Variants in SOX6 observed in about 807,000 individuals in gnomAD.
The protein encoded by SOX6 is transcription factor SOX-6.
In SOX6, 11 loss-of-function variants were observed where a neutral mutation model predicts 97.8. The observed-to-expected ratio is 0.11, with a 90% CI of 0.07 to 0.19. The LOEUF is 0.19. Ranked by LOEUF, SOX6 falls within the 10% of genes least tolerant of loss-of-function variation. The probability of loss-of-function intolerance (pLI) is 1.00; values close to 1 mark genes in which losing one functional copy is unlikely to be tolerated. For missense variants in SOX6, 810 were observed against 1,039.5 expected, an observed-to-expected ratio of 0.78 and a Z score of 3.04; for synonymous variants, 360 against 371.4, an observed-to-expected ratio of 0.97 and a Z score of 0.35.
chr11:16,568,114 T>G (rs559726208), intron 4 of SOX6, among the ~76,000 whole-genome samples: 1 of 152,256 alleles, frequency 6.6e-6, no homozygotes, highest in Admixed American at 6.5e-5. Flanking sequence ...AGGCTATGTG[T>G]ATAAGATATA....
intron 4 of SOX6, among the ~76,000 whole-genome samples, chr11:16,603,677 T>C (rs1024307404): frequency 2.0e-5 from 3 of 152,120 alleles, no homozygotes; most frequent in African/African-American, 7.2e-5. Context: ...ACGAGTAGGA[T>C]GTGAAGAATA....
intron 3 of SOX6, among the ~76,000 whole-genome samples, chr11:16,257,889 A>G (rs1853741603): frequency 1.3e-5 from 2 of 151,956 alleles, no homozygotes; most frequent in South Asian, 2.1e-4. Flanking sequence ...AAAAAATGGT[A>G]AAAGACCTGA....
At chr11:16,078,033 T>A (rs563905744) in intron 9 of SOX6, among the ~76,000 whole-genome samples, 41 of 152,326 alleles carry the variant, frequency 2.7e-4, no homozygotes, top group African/African-American at 9.4e-4. Flanking sequence ...TGTTAACATA[T>A]AATGCCTTAT....
intron 15 of SOX6, among the ~76,000 whole-genome samples, chr11:15,983,500 A>G (rs1853735028): frequency 6.6e-6 from 1 of 152,140 alleles, no homozygotes; most frequent in Non-Finnish European, 1.5e-5. Flanking sequence ...ATCTGAACCC[A>G]TTCCATCAAA....
intron 3 of SOX6, among the ~76,000 whole-genome samples, chr11:16,620,347 A>G (rs541422449): frequency 6.6e-6 from 1 of 152,366 alleles, no homozygotes; most frequent in South Asian, 2.1e-4. Flanking sequence ...AAGAGATTTA[A>G]TGTATCACTG....
intron 1 of SOX6, among the ~76,000 whole-genome samples, chr11:16,431,502 A>G (rs973819349): frequency 3.3e-5 from 5 of 152,126 alleles, no homozygotes; most frequent in African/African-American, 4.8e-5. Context: ...CAACATCCCA[A>G]TGCTCTCTGG....
At chr11:16,653,604 A>T (rs1442749443) in intron 3 of SOX6, among the ~76,000 whole-genome samples, 1 of 152,138 alleles carries the variant, frequency 6.6e-6, no homozygotes, top group Non-Finnish European at 1.5e-5. Context: ...TATACAATGG[A>T]CTTTGGGGAC....
chr11:16,548,765 A>G (rs998150222), intron 4 of SOX6, among the ~76,000 whole-genome samples: 23 of 152,174 alleles, frequency 1.5e-4, no homozygotes, highest in Admixed American at 9.8e-4. Flanking sequence ...TGTACAACAT[A>G]GTGACTATAG....
chr11:16,106,261 C>T (rs74473720), intron 7 of SOX6, among the ~76,000 whole-genome samples: 9 of 151,784 alleles, frequency 5.9e-5, no homozygotes, highest in East Asian at 5.8e-4. Flanking sequence ...TTGAAAAAGA[C>T]GAATAAAGTT....
rs138245323 is a variant in SOX6, at chr11:16,547,866, G to A, written n.609+64215C>T. Among the ~76,000 whole-genome samples, 71 of 152,150 alleles carry A rather than the reference G, an allele frequency of 4.7e-4. No individual in the cohort carries two copies. The East Asian group carries it at 0.011, about 24-fold the overall frequency. On this transcript the variant is annotated intron_variant and non_coding_transcript_variant, in intron 4 of 5. Coordinates refer to the SOX6 transcript ENST00000524520. ...AACTTGATCATTACACATTCTATGC[G>A]TGTAACAAAATATCACATGGTACCC...
rs5789938 is a variant in SOX6 at position 16,095,914 on chromosome 11, T to TAAA, written c.1101+79_1101+81dup. Reference sequence around the variant, plus strand: ...TGTTTAGGTTGAGTGTTTGCCACTTTAAAAAAAAAAAAAAAAAGCCTAGAG... The same window carrying TAAA: ...TGTTTAGGTTGAGTGTTTGCCACTTTAAAAAAAAAAAAAAAAAAAAGCCTAGAG... On this transcript the variant is annotated intron_variant, in intron 9 of 15. Transcript: ENST00000683767. 9.3e-5 allele frequency: 115 copies of TAAA among 1,236,444 alleles called. No individual in the cohort carries two copies. In the East Asian group the frequency reaches 9.4e-4, roughly 10 times the overall value. The allele number at this position is 1,236,444 out of a possible 1,614,324, so 76.6% of individuals were successfully genotyped here. A position where few individuals can be genotyped will look rare whatever the true frequency, so the allele number is the denominator to read the frequency against.
At chr11:16,144,463 T>C (rs1167142415) in intron 6 of SOX6, among the ~76,000 whole-genome samples, 1 of 152,058 alleles carries the variant, frequency 6.6e-6, no homozygotes, top group Non-Finnish European at 1.5e-5. Flanking sequence ...AGCAAACACA[T>C]TCAAAAGCTA....
intron 1 of SOX6, chr11:16,402,818 T>A (rs1421131210): frequency 1.3e-6 from 2 of 1,561,760 alleles, no homozygotes; most frequent in Non-Finnish European, 8.7e-7. Flanking sequence ...TCCTTGAAGC[T>A]CACCATGACC....
chr11:16,346,280 G>C (rs1856774217), intron 1 of SOX6, among the ~76,000 whole-genome samples: 1 of 152,002 alleles, frequency 6.6e-6, no homozygotes, highest in African/African-American at 2.4e-5. Flanking sequence ...TAACAGATAT[G>C]TTTAGTTGCC....
At chr11:16,459,329 T>C (rs911610298) in intron 1 of SOX6, among the ~76,000 whole-genome samples, 5 of 151,982 alleles carry the variant, frequency 3.3e-5, no homozygotes, top group African/African-American at 7.2e-5. Flanking sequence ...ATTTCCACTT[T>C]AACTGCATAC....
chr11:16,545,160 T>C (rs1321322458), intron 4 of SOX6, among the ~76,000 whole-genome samples: 2 of 151,914 alleles, frequency 1.3e-5, no homozygotes, highest in African/African-American at 4.8e-5. Flanking sequence ...ATAGAAATGA[T>C]TGAAGTTGAA....
At chr11:16,307,191 A>G (rs745795615) in intron 3 of SOX6, among the ~76,000 whole-genome samples, 3 of 152,220 alleles carry the variant, frequency 2.0e-5, no homozygotes, top group Non-Finnish European at 4.4e-5. Context: ...TAGGCATAAT[A>G]GAAATTGATA....
intron 3 of SOX6, among the ~76,000 whole-genome samples, chr11:16,645,297 T>C (rs1848996257): frequency 6.6e-6 from 1 of 152,240 alleles, no homozygotes; most frequent in Non-Finnish European, 1.5e-5. Context: ...GCTTTACCCG[T>C]TGTTTCACCA....
At position 16,213,018 on chromosome 11, in the gene SOX6, T is replaced by C. The variant is rs1852270110; in HGVS notation, c.535+21564A>G. Reference sequence around the variant, plus strand: ...CCACAAAACCTAACAGTGGTGACTCTCAGGAGACCTTGAGGTCATCTTTGT... The same window carrying C: ...CCACAAAACCTAACAGTGGTGACTCCCAGGAGACCTTGAGGTCATCTTTGT... On this transcript the variant is annotated intron_variant, in intron 4 of 15. Coordinates refer to ENST00000683767, the MANE Select transcript of SOX6 (RefSeq NM_001367873.1). 2.6e-5 allele frequency among the ~76,000 whole-genome samples: 4 copies of C among 152,174 alleles called. No individual in the cohort carries two copies. The South Asian group carries it at 8.3e-4, about 31-fold the overall frequency.
Sources: gnomAD v4.1 joint callset for allele counts (sites outside exome capture counted in the v4.1 genomes callset) on GRCh38, gnomAD v4.1.1 for gene constraint, MANE v1.5 for transcripts, NCBI Gene and HGNC (gene_info 2026-07-23, HGNC 2026-07-21) for gene names.